Variants in SCN7A observed in about 807,000 individuals in gnomAD.
SCN7A encodes sodium voltage-gated channel alpha subunit 7, also known as sodium channel protein type 7 subunit alpha.
SCN7A carries 138 observed loss-of-function variants against 155.2 expected under a neutral mutation model. That is an observed-to-expected ratio of 0.89 (90% CI 0.77 to 1.02). SCN7A has a LOEUF of 1.02. SCN7A is among the 50% of genes least tolerant of loss of function. The pLI is 0.00. For synonymous variants in SCN7A, 693 were observed against 649.0 expected (o/e 1.07, Z -1.03); for missense variants, 2,058 against 1,986.6 (o/e 1.04, Z -0.68).
rs184946145 is a variant in SCN7A, at chr2:166,404,159, T to C, written c.*1421A>G. The C allele has an allele frequency of 6.6e-6, 1 of 152,034 alleles. No homozygotes were observed. The highest frequency in any genetic ancestry group is 6.6e-5 in the Admixed American group (1 of 15,238). 9.4% of individuals were successfully genotyped at this position (152,034 alleles called of 1,614,324 possible). A position where few individuals can be genotyped will look rare whatever the true frequency, so the allele number is the denominator to read the frequency against. On this transcript the variant is annotated 3_prime_UTR_variant, in exon 26 of 26. Coordinates refer to ENST00000643258, the MANE Select transcript of SCN7A (RefSeq NM_002976.4). ...ATATTTAAATCAATAATATATAAATTTTCTTTCTGAATCTTTTAGGACTTA... is the reference window on the plus strand; with the variant it reads ...ATATTTAAATCAATAATATATAAATCTTCTTTCTGAATCTTTTAGGACTTA...
At chr2:166,472,493 G>A in intron 5 of SCN7A, 48 bp from the exon 6 acceptor site, 2 of 1,378,684 alleles carry the variant, frequency 1.5e-6, no homozygotes, top group Non-Finnish European at 2.0e-6. Context: ...ATAATACATT[G>A]TCAACTCTGA....
intron 23 of SCN7A, among the ~76,000 whole-genome samples, chr2:166,410,936 AC>A (rs1701190307): frequency 6.6e-6 from 1 of 152,002 alleles, no homozygotes; most frequent in African/African-American, 2.4e-5. Context: ...AGGAATTGTT[AC>A]TGCTCTAAAT....
At chr2:166,411,391 G>A (rs1237578142) in intron 23 of SCN7A, among the ~76,000 whole-genome samples, 1 of 151,850 alleles carries the variant, frequency 6.6e-6, no homozygotes, top group Non-Finnish European at 1.5e-5. Flanking sequence ...GTTATCAAGC[G>A]ATTGTGTTCA....
chr2:166,455,258 T>A (rs1702249733), intron 11 of SCN7A, among the ~76,000 whole-genome samples: 2 of 152,100 alleles, frequency 1.3e-5, no homozygotes, highest in Admixed American at 1.3e-4. Flanking sequence ...TATTTTTTGA[T>A]CTTCTGATTA....
chr2:166,405,354 G>T lies in SCN7A; in HGVS notation c.*226C>A, dbSNP rs1200840288. 2.9e-5 allele frequency: 13 copies of T among 451,276 alleles called. No homozygotes were observed. 28.0% of individuals were successfully genotyped at this position (451,276 alleles called of 1,614,324 possible). On this transcript the variant is annotated 3_prime_UTR_variant, in exon 26 of 26. Transcript: ENST00000643258. Reference sequence around the variant, plus strand: ...AAAACAAATATGAGATTGTCAAATGGCCACTTTAACCCACTTTAAACTCAC... The same window carrying T: ...AAAACAAATATGAGATTGTCAAATGTCCACTTTAACCCACTTTAAACTCAC...
chr2:166,424,498 C>G (rs1701579106), intron 18 of SCN7A, among the ~76,000 whole-genome samples: 1 of 151,860 alleles, frequency 6.6e-6, no homozygotes, highest in South Asian at 2.1e-4. Flanking sequence ...AGAATATGTT[C>G]AGAACAAAAA....
At chr2:166,456,085 T>C (rs113116469) in intron 11 of SCN7A, among the ~76,000 whole-genome samples, 84 of 152,314 alleles carry the variant, frequency 5.5e-4, no homozygotes, top group African/African-American at 1.8e-3. Context: ...GAAACCATCA[T>C]TCTTAGCAAA....
intron 1 of SCN7A, among the ~76,000 whole-genome samples, chr2:166,491,853 C>T (rs17769186): frequency 0.18 from 28,039 of 151,836 alleles, 3,275 homozygotes; most frequent in Non-Finnish European, 0.25. Context: ...AAGAATGTCC[C>T]TTTTACCCAA....
chr2:166,454,999 C>G (rs1339518916), intron 11 of SCN7A, among the ~76,000 whole-genome samples: 1 of 152,044 alleles, frequency 6.6e-6, no homozygotes, highest in African/African-American at 2.4e-5. Context: ...CATTGTTAGG[C>G]TTTATTAATC....
In SCN7A at chr2:166,462,126, A is replaced by G. The variant is rs1356415919; in HGVS notation, c.1083+263T>C. ...AAAAAAAAAGCACACATACAAATAC[A>G]CACACTCTCTTCTCTCTCTCCTCTC... On this transcript the variant is annotated intron_variant, in intron 10 of 25. Transcript: ENST00000643258. 8 of 264,188 alleles carry G rather than the reference A, an allele frequency of 3.0e-5. No homozygotes were observed. The East Asian group carries it at 5.4e-4, about 18-fold the overall frequency. The allele number at this position is 264,188 out of a possible 1,614,324, so 16.4% of individuals were successfully genotyped here. A position where few individuals can be genotyped will look rare whatever the true frequency, so the allele number is the denominator to read the frequency against.
At chr2:166,452,277 CCT>C (rs1288930048) in intron 11 of SCN7A, among the ~76,000 whole-genome samples, 7 of 151,594 alleles carry the variant, frequency 4.6e-5, no homozygotes, top group Admixed American at 4.6e-4. Flanking sequence ...TTAATGTATT[CCT>C]CTCTTACAGT....
intron 21 of SCN7A, among the ~76,000 whole-genome samples, chr2:166,413,998 T>TATATATATATATATATATAA (rs1262986488): frequency 2.0e-5 from 2 of 100,170 alleles, no homozygotes; most frequent in African/African-American, 4.0e-5. Context: ...TATATATATA[T>TATATATATATATATATATAA]ATATAAATAT....
intron 1 of SCN7A, among the ~76,000 whole-genome samples, chr2:166,488,171 G>A (rs1703093815): frequency 6.6e-6 from 1 of 152,104 alleles, no homozygotes; most frequent in Non-Finnish European, 1.5e-5. Context: ...ATTTTTATTG[G>A]TTTGGGCAAC....
intron 20 of SCN7A, among the ~76,000 whole-genome samples, chr2:166,418,477 A>C (rs1245078135): frequency 6.7e-6 from 1 of 149,972 alleles, no homozygotes; most frequent in Non-Finnish European, 1.5e-5. Context: ...ACCTTCTTTC[A>C]CTTTCTTCCT....
chr2:166,472,307 A>G lies in SCN7A; in HGVS notation c.572+10T>C, dbSNP rs1702677646. 8 of 1,579,032 alleles carry G rather than the reference A, an allele frequency of 5.1e-6. No individual in the cohort carries two copies. Among genetic ancestry groups the G allele is most frequent in the Non-Finnish European group, 6.9e-6 (8 of 1,167,352 alleles). ...ACATTAAAATAGACTCAATTTAAAG[A>G]AATACTCACTCAAACACAGTTACGC... On this transcript the variant is annotated intron_variant, in intron 6 of 25. Transcript: ENST00000643258.
At chr2:166,415,028 A>G (rs1290939262) in intron 21 of SCN7A, among the ~76,000 whole-genome samples, 1 of 138,414 alleles carries the variant, frequency 7.2e-6, no homozygotes, top group Admixed American at 7.8e-5. Flanking sequence ...ATATAGGATA[A>G]TAATAATATA....
At chr2:166,465,688 A>C in intron 8 of SCN7A, 93 bp downstream of exon 8, 1 of 1,411,812 alleles carries the variant, frequency 7.1e-7, no homozygotes, top group South Asian at 1.2e-5. Flanking sequence ...TTGGGAATCT[A>C]ACAAAATGTT....
chr2:166,424,108 T>C (rs1220223028), intron 18 of SCN7A, among the ~76,000 whole-genome samples: 1 of 152,056 alleles, frequency 6.6e-6, no homozygotes, highest in Admixed American at 6.6e-5. Context: ...AATAATCTCA[T>C]ATAAAGAATG....
In SCN7A at chr2:166,419,555, CAGG is replaced by C; in HGVS notation, c.3135+1632_3135+1634del. 5.3e-5 allele frequency among the ~76,000 whole-genome samples: 8 copies of C among 152,002 alleles called. 1 individual carries two copies. Among genetic ancestry groups the C allele is most frequent in the African/African-American group, 1.9e-4 (8 of 41,514 alleles). ...CTAATTTTTGTATTTTTTGTAGAGA[CAGG>C]GTCTTACTGTGTTACCCGGGCTCGT... On this transcript the variant is annotated intron_variant, in intron 20 of 25. Coordinates refer to ENST00000643258, the MANE Select transcript of SCN7A (RefSeq NM_002976.4).
Sources: allele counts gnomAD v4.1 joint callset (sites outside exome capture counted in the v4.1 genomes callset), GRCh38; gene constraint gnomAD v4.1.1; transcripts MANE v1.5; gene names NCBI Gene and HGNC (gene_info 2026-07-23, HGNC 2026-07-21).